The following CD2AP variants were observed in gnomAD, a reference collection of about 807,000 sequenced individuals.
CD2AP encodes the protein CD2-associated protein.
A neutral mutation model predicts 85.1 loss-of-function variants in CD2AP; 46 were observed. The ratio of observed to expected loss-of-function variants is 0.54; its 90% confidence interval spans 0.43 to 0.69. CD2AP has a LOEUF of 0.69. CD2AP is among the 30% of genes least tolerant of loss of function. The pLI is 0.00. For synonymous variants in CD2AP, 255 were observed against 252.9 expected (o/e 1.01, Z -0.08); for missense variants, 769 against 729.5 (o/e 1.05, Z -0.62).
In CD2AP at chr6:47,589,565, C is replaced by CACACATATATATATATATATATAT. The variant is rs139814970; in HGVS notation, c.1109-6295_1109-6294insCACATATATATATATATATATATA. On this transcript the variant is annotated intron_variant, in intron 11 of 17. Transcript: ENST00000359314. ...ACACATATATATACACACACACACA[C>CACACATATATATATATATATATAT]ATATATATATATATATTTGTCAGAG... Among the ~76,000 whole-genome samples the CACACATATATATATATATATATAT allele has an allele frequency of 8.6e-3, 1,034 of 120,784 alleles. 18 individuals are homozygous for CACACATATATATATATATATATAT. The highest frequency in any genetic ancestry group is 0.043 in the Middle Eastern group (8 of 186). 79.2% of individuals were successfully genotyped at this position (120,784 alleles called of 152,430 possible).
intron 2 of CD2AP, among the ~76,000 whole-genome samples, chr6:47,525,644 G>C (rs915728536): frequency 2.6e-5 from 4 of 151,962 alleles, no homozygotes; most frequent in African/African-American, 9.7e-5. Context: ...TGTTTGTTTT[G>C]GTTAATACAA....
At chr6:47,521,993 C>T (rs1766610033) in intron 2 of CD2AP, among the ~76,000 whole-genome samples, 1 of 149,936 alleles carries the variant, frequency 6.7e-6, no homozygotes, top group African/African-American at 2.5e-5. Context: ...CTAGCCTGGG[C>T]AACAAGAGCG....
intron 2 of CD2AP, among the ~76,000 whole-genome samples, chr6:47,508,021 C>A (rs929284132): frequency 2.0e-5 from 3 of 152,200 alleles, no homozygotes; most frequent in African/African-American, 7.2e-5. Context: ...ATTTATAGAG[C>A]ATAGGCAGAA....
At chr6:47,581,959 T>C in intron 10 of CD2AP, 44 bp from the exon 11 acceptor site, 1 of 1,303,396 alleles carries the variant, frequency 7.7e-7, no homozygotes, top group Non-Finnish European at 1.1e-6. Context: ...TCTCTGTGCT[T>C]TAAAACTGTC....
At chr6:47,512,711 T>C (rs1339197348) in intron 2 of CD2AP, among the ~76,000 whole-genome samples, 1 of 152,258 alleles carries the variant, frequency 6.6e-6, no homozygotes, top group Non-Finnish European at 1.5e-5. Flanking sequence ...TAAGTGTTAC[T>C]TTTTAATAAA....
At chr6:47,574,357 T>A in intron 6 of CD2AP, 106 bp downstream of exon 6, 1 of 1,061,802 alleles carries the variant, frequency 9.4e-7, no homozygotes, top group Non-Finnish European at 1.4e-6. Flanking sequence ...TTTTTTCAGA[T>A]CACTAATAAT....
chr6:47,576,540 C>T lies in CD2AP; in HGVS notation c.746C>T (p.Ser249Leu). 1 of 1,611,216 alleles carries T rather than the reference C, an allele frequency of 6.2e-7. No individual in the cohort carries two copies. Among genetic ancestry groups the T allele is most frequent in the Non-Finnish European group, 8.5e-7 (1 of 1,177,720 alleles). Residue 249 changes from serine to leucine, a missense_variant, in exon 7 of 18, where the codon TCA becomes TTA. Transcript: ENST00000359314. ...KKPEKPLILQSLGPKTQSVEI... is the reference protein window; with the variant it reads ...KKPEKPLILQLLGPKTQSVEI... ...CTATTCTAGCCCTTAATCCTACAGT[C>T]ACTGGGACCCAAAACTCAGAGTGTG...
intron 1 of CD2AP, among the ~76,000 whole-genome samples, chr6:47,481,081 A>G (rs935542060): frequency 1.3e-5 from 2 of 152,224 alleles, no homozygotes; most frequent in Non-Finnish European, 2.9e-5. Flanking sequence ...CTAGGGAGAC[A>G]GATAGGCAGT....
chr6:47,603,897 A>G (rs752790605), intron 13 of CD2AP, among the ~76,000 whole-genome samples: 2 of 151,766 alleles, frequency 1.3e-5, no homozygotes, highest in Non-Finnish European at 2.9e-5. Flanking sequence ...GTGCACATTG[A>G]TTTTTCTTTG....
intron 3 of CD2AP, among the ~76,000 whole-genome samples, chr6:47,543,180 A>AG (rs1767275633): frequency 2.1e-5 from 3 of 141,188 alleles, no homozygotes; most frequent in Non-Finnish European, 4.6e-5. Context: ...AAAGAAAAAG[A>AG]AAAAAGAAAA....
chr6:47,505,556 A>T (rs1766123321), intron 2 of CD2AP, among the ~76,000 whole-genome samples: 2 of 146,406 alleles, frequency 1.4e-5, no homozygotes, highest in East Asian at 2.0e-4. Context: ...CACCTCCCAG[A>T]CGGGGTGGTG....
At chr6:47,494,962 C>G (rs372647755) in intron 1 of CD2AP, among the ~76,000 whole-genome samples, 41 of 152,224 alleles carry the variant, frequency 2.7e-4, no homozygotes, top group African/African-American at 9.9e-4. Flanking sequence ...GAGTTCGAGA[C>G]AAGTCTGGGC....
chr6:47,485,773 A>G (rs915541369), intron 1 of CD2AP, among the ~76,000 whole-genome samples: 1 of 152,114 alleles, frequency 6.6e-6, no homozygotes, highest in Non-Finnish European at 1.5e-5. Context: ...TATTTTTACT[A>G]TACCTTTTTT....
chr6:47,581,048 A>G (rs1768464981), intron 10 of CD2AP, 148 bp downstream of exon 10: 1 of 652,762 alleles, frequency 1.5e-6, no homozygotes, highest in Admixed American at 2.6e-5. Flanking sequence ...GAGTGTTCAC[A>G]TGCATTAGTA....
chr6:47,580,842 TC>T, intron 9 of CD2AP, 21 bp from the exon 10 acceptor site: 1 of 1,588,118 alleles, frequency 6.3e-7, no homozygotes. Context: ...GTCAGCCGTT[TC>T]CACCATTATT....
At chr6:47,577,717 A>G (rs1768351258) in intron 8 of CD2AP, among the ~76,000 whole-genome samples, 1 of 152,158 alleles carries the variant, frequency 6.6e-6, no homozygotes, top group Non-Finnish European at 1.5e-5. Context: ...ACCCTGTAGA[A>G]TAATTTTTGA....
chr6:47,533,902 G>T (rs1766958992), intron 3 of CD2AP, 147 bp downstream of exon 3: 1 of 718,040 alleles, frequency 1.4e-6, no homozygotes. Context: ...TTATTGCCCT[G>T]TGTAGTCAAT....
chr6:47,609,087 TAAATA>T (rs1438386655), intron 15 of CD2AP, 31 bp from the exon 16 acceptor site: 9 of 1,475,698 alleles, frequency 6.1e-6, no homozygotes. Context: ...AATATAATAT[TAAATA>T]AAATCAGAAA....
intron 2 of CD2AP, among the ~76,000 whole-genome samples, chr6:47,518,583 A>G (rs185448736): frequency 6.6e-6 from 1 of 152,338 alleles, no homozygotes; most frequent in Admixed American, 6.5e-5. Flanking sequence ...ATTTCTGAAT[A>G]TCAGGGGTAA....
Sources: gnomAD v4.1 joint callset for allele counts (sites outside exome capture counted in the v4.1 genomes callset) on GRCh38, gnomAD v4.1.1 for gene constraint, MANE v1.5 for transcripts, NCBI Gene and HGNC (gene_info 2026-07-23, HGNC 2026-07-21) for gene names.